The following M1AP variants were observed in gnomAD, a reference collection of about 807,000 sequenced individuals.
The protein encoded by M1AP is meiosis 1 associated protein.
A neutral mutation model predicts 51.2 loss-of-function variants in M1AP; 39 were observed. That is an observed-to-expected ratio of 0.76 (90% CI 0.59 to 1.00). The LOEUF (loss-of-function observed/expected upper bound fraction) is 1.00, where lower values mean the gene tolerates loss of function less well. M1AP is among the 50% of genes least tolerant of loss of function. M1AP has a pLI of 0.00. For missense variants in M1AP, 545 were observed against 641.2 expected (o/e 0.85, Z 1.62); for synonymous variants, 251 against 249.2 (o/e 1.01, Z -0.07).
chr2:74,634,262 AGAAGGTT>A, intron 2 of M1AP, among the ~76,000 whole-genome samples: 1 of 152,308 alleles, frequency 6.6e-6, no homozygotes, highest in South Asian at 2.1e-4. Flanking sequence ...ATTTGTAATG[AGAAGGTT>A]GGTGGTTACT....
intron 7 of M1AP, among the ~76,000 whole-genome samples, chr2:74,568,283 G>T (rs1371336497): frequency 6.6e-6 from 1 of 152,226 alleles, no homozygotes; most frequent in Non-Finnish European, 1.5e-5. Context: ...CATCTAAGTG[G>T]GTTACAGTGG....
At chr2:74,617,843 C>T (rs969473321) in intron 2 of M1AP, among the ~76,000 whole-genome samples, 17 of 152,260 alleles carry the variant, frequency 1.1e-4, no homozygotes, top group African/African-American at 3.6e-4. Context: ...CTTGAAAACT[C>T]TTAGCATTTC....
chr2:74,642,204 A>G (rs947788913), intron 1 of M1AP, among the ~76,000 whole-genome samples: 7 of 152,206 alleles, frequency 4.6e-5, no homozygotes, highest in African/African-American at 1.7e-4. Context: ...GAAAAAAATT[A>G]TAGGATAATC....
intron 10 of M1AP, among the ~76,000 whole-genome samples, chr2:74,559,086 G>A (rs1677720359): frequency 6.6e-6 from 1 of 152,148 alleles, no homozygotes; most frequent in Admixed American, 6.5e-5. Flanking sequence ...AGCTTGCCTA[G>A]CAGCTAACTT....
In M1AP at chr2:74,566,809, T is replaced by C. The variant is rs116237176; in HGVS notation, c.1075-4386A>G. On this transcript the variant is annotated intron_variant, in intron 7 of 10. Transcript: ENST00000421985. ...ACCCAGTTATAGCCCAACTGGCTCA[T>C]TGCCTGTGTACTTAGACTCCTGCTG... Among the ~76,000 whole-genome samples, 749 of 152,306 alleles carry C rather than the reference T, an allele frequency of 4.9e-3. 3 individuals are homozygous for C. Among genetic ancestry groups the C allele is most frequent in the African/African-American group, 0.017 (691 of 41,572 alleles).
chr2:74,611,899 T>TTG (rs1275361371), intron 3 of M1AP, among the ~76,000 whole-genome samples: 1 of 90,206 alleles, frequency 1.1e-5, no homozygotes, highest in Non-Finnish European at 2.3e-5. Context: ...TTTTTTTTTT[T>TTG]TTTTTTTTTT....
At chr2:74,627,424 T>C (rs2104791194) in intron 2 of M1AP, among the ~76,000 whole-genome samples, 1 of 152,284 alleles carries the variant, frequency 6.6e-6, no homozygotes, top group Admixed American at 6.5e-5. Flanking sequence ...GATAATCAAA[T>C]AATCCGCAAA....
chr2:74,583,922 C>T (rs1263756418), intron 4 of M1AP, among the ~76,000 whole-genome samples: 1 of 152,216 alleles, frequency 6.6e-6, no homozygotes, highest in African/African-American at 2.4e-5. Context: ...CTGCCATCTT[C>T]CATGAATAGT....
At chr2:74,605,937 C>T (rs1214497370) in intron 4 of M1AP, among the ~76,000 whole-genome samples, 2 of 152,106 alleles carry the variant, frequency 1.3e-5, no homozygotes, top group African/African-American at 2.4e-5. Flanking sequence ...TGTCACACTT[C>T]CTCAGGCGGC....
intron 3 of M1AP, among the ~76,000 whole-genome samples, chr2:74,612,501 T>A (rs1414849310): frequency 1.3e-5 from 2 of 152,202 alleles, no homozygotes; most frequent in Non-Finnish European, 2.9e-5. Flanking sequence ...CTATTTTAAG[T>A]CTCTATTTCT....
At chr2:74,616,200 T>C (rs1298870867) in intron 2 of M1AP, among the ~76,000 whole-genome samples, 3 of 152,212 alleles carry the variant, frequency 2.0e-5, no homozygotes, top group South Asian at 2.1e-4. Context: ...TGTAGCCTAG[T>C]AGGCTTTAAG....
At chr2:74,610,140 C>G (rs75241069) in intron 3 of M1AP, among the ~76,000 whole-genome samples, 15,356 of 151,714 alleles carry the variant, frequency 0.1, 1,107 homozygotes, top group East Asian at 0.33. Context: ...TAGCTGAAAC[C>G]ACAGATGCAT....
intron 1 of M1AP, among the ~76,000 whole-genome samples, chr2:74,640,605 T>G (rs1451068274): frequency 1.3e-5 from 2 of 151,974 alleles, no homozygotes; most frequent in Non-Finnish European, 2.9e-5. Flanking sequence ...GGACTACAGG[T>G]GCACACCACC....
Position 74,575,561 on chromosome 2 carries a change from C to G in M1AP, c.951G>C (p.Gly317=), listed in dbSNP as rs746573239. The G allele has an allele frequency of 6.2e-7, 1 of 1,614,004 alleles. No individual in the cohort carries two copies. The change falls in exon 7 of 11, where the codon GGG becomes GGC. Residue 317 remains glycine (G), a synonymous_variant. Transcript: ENST00000421985. ...LQVIKALKSS[G]LCESLTYGLP... is the part of the protein sequence containing the mutation. ...GTCCATATGTCAATGACTCGCAGAG[C>G]CCGCTAGATTTTAAAGCCCTAGGAA...
In M1AP at chr2:74,558,652, G is replaced by A; in HGVS notation, c.*64C>T. Reference sequence around the variant, plus strand: ...TAGAGAGCAAGTCTGACCACAGATAGCCATTATGTGAACCTGAGCATGGAT... The same window carrying A: ...TAGAGAGCAAGTCTGACCACAGATAACCATTATGTGAACCTGAGCATGGAT... On this transcript the variant is annotated 3_prime_UTR_variant, in exon 11 of 11. Coordinates refer to ENST00000421985, the MANE Select transcript of M1AP (RefSeq NM_001321739.2). The A allele has an allele frequency of 6.4e-7, 1 of 1,574,422 alleles. No homozygotes were observed. Among genetic ancestry groups the A allele is most frequent in the South Asian group, 1.1e-5 (1 of 87,316 alleles).
chr2:74,601,473 T>C (rs77042902), intron 4 of M1AP, among the ~76,000 whole-genome samples: 9,330 of 152,188 alleles, frequency 0.061, 839 homozygotes, highest in African/African-American at 0.2. Flanking sequence ...TGATGGTAGT[T>C]ATCTCTGGAG....
At chr2:74,563,939 G>A (rs1678206344) in intron 7 of M1AP, among the ~76,000 whole-genome samples, 1 of 152,224 alleles carries the variant, frequency 6.6e-6, no homozygotes, top group Admixed American at 6.5e-5. Context: ...GAAATATGGA[G>A]TTAGAACTAT....
intron 2 of M1AP, among the ~76,000 whole-genome samples, chr2:74,623,951 G>A (rs1407931617): frequency 6.6e-6 from 1 of 152,060 alleles, no homozygotes; most frequent in Non-Finnish European, 1.5e-5. Flanking sequence ...GATTATAGGC[G>A]TGAGCCACCA....
chr2:74,566,154 C>G (rs1678369575), intron 7 of M1AP, among the ~76,000 whole-genome samples: 1 of 152,098 alleles, frequency 6.6e-6, no homozygotes, highest in Non-Finnish European at 1.5e-5. Flanking sequence ...GGGTATGATC[C>G]TAGGGGTAGA....
Sources: gnomAD v4.1 joint callset for allele counts (sites outside exome capture counted in the v4.1 genomes callset) on GRCh38, gnomAD v4.1.1 for gene constraint, MANE v1.5 for transcripts, NCBI Gene and HGNC (gene_info 2026-07-23, HGNC 2026-07-21) for gene names.